Variants in DENND4A observed in about 807,000 individuals in gnomAD.
DENND4A encodes DENN domain containing 4A, also known as C-myc promoter-binding protein.
Under a neutral mutation model 199.3 loss-of-function variants are expected in DENND4A, and 70 were observed. The ratio of observed to expected loss-of-function variants is 0.35; its 90% CI spans 0.29 to 0.43. The LOEUF is 0.43. DENND4A is among the 20% of genes least tolerant of loss of function. The pLI is 1.00. For missense variants in DENND4A, 1,723 were observed against 2,255.8 expected, an observed-to-expected ratio of 0.76 and a Z score of 4.78; for synonymous variants, 686 against 766.9, an observed-to-expected ratio of 0.89 and a Z score of 1.74.
At chr15:65,723,383 TTATCAAAATACTTCGGTA>T (rs2075706273) in intron 11 of DENND4A, among the ~76,000 whole-genome samples, 1 of 152,166 alleles carries the variant, frequency 6.6e-6, no homozygotes, top group Admixed American at 6.5e-5. Context: ...TCCACAGAGC[TTATCAAAATACTTCGGTA>T]TATTTAAATA....
chr15:65,702,243 TG>T, intron 17 of DENND4A, 61 bp downstream of exon 17: 1 of 1,345,920 alleles, frequency 7.4e-7, no homozygotes. Flanking sequence ...CACTCCAGCC[TG>T]GGTGACAGAG....
chr15:65,768,438 G>A (rs1684814077), intron 1 of DENND4A, among the ~76,000 whole-genome samples: 1 of 152,060 alleles, frequency 6.6e-6, no homozygotes, highest in African/African-American at 2.4e-5. Flanking sequence ...CTCACAGGTC[G>A]AGAAATAGTA....
At chr15:65,731,378 C>T (rs1395979931) in intron 9 of DENND4A, 2 of 501,156 alleles carry the variant, frequency 4.0e-6, no homozygotes, top group Admixed American at 2.3e-5. Context: ...TCATCATCTA[C>T]ATACATAAAT....
At chr15:65,753,228 A>G (rs1370563753) in intron 3 of DENND4A, among the ~76,000 whole-genome samples, 2 of 152,220 alleles carry the variant, frequency 1.3e-5, no homozygotes, top group African/African-American at 2.4e-5. Context: ...TCTATACTTA[A>G]GCACTAAGGA....
intron 22 of DENND4A, among the ~76,000 whole-genome samples, chr15:65,692,851 T>G (rs1005885138): frequency 1.3e-5 from 2 of 152,154 alleles, no homozygotes; most frequent in African/African-American, 4.8e-5. Flanking sequence ...CTTTGCAAAG[T>G]CAGTGATATG....
At chr15:65,768,063 G>A (rs973953838) in intron 1 of DENND4A, among the ~76,000 whole-genome samples, 1 of 152,182 alleles carries the variant, frequency 6.6e-6, no homozygotes, top group African/African-American at 2.4e-5. Flanking sequence ...AATCAGTGTG[G>A]AGTGTAGTGG....
intron 7 of DENND4A, among the ~76,000 whole-genome samples, chr15:65,735,873 C>T (rs2140430861): frequency 6.6e-6 from 1 of 152,260 alleles, no homozygotes; most frequent in Middle Eastern, 3.4e-3. Context: ...AGGTGTTTCA[C>T]CTGAGGTCAG....
chr15:65,757,626 G>T (rs2076743130), intron 2 of DENND4A, among the ~76,000 whole-genome samples: 1 of 152,122 alleles, frequency 6.6e-6, no homozygotes, highest in East Asian at 1.9e-4. Flanking sequence ...TGGGTTTGGG[G>T]TTTGTACTTA....
chr15:65,778,614 G>A (rs1285059762), intron 1 of DENND4A, among the ~76,000 whole-genome samples: 1 of 152,074 alleles, frequency 6.6e-6, no homozygotes, highest in Non-Finnish European at 1.5e-5. Flanking sequence ...AAGTTATGTT[G>A]CAGGCCAGAT....
chr15:65,690,280 T>TA, intron 23 of DENND4A, 135 bp downstream of exon 23: 4 of 879,992 alleles, frequency 4.5e-6, no homozygotes, highest in Non-Finnish European at 6.3e-6. Context: ...TTCTGATACT[T>TA]ACAAAACTTA....
intron 11 of DENND4A, chr15:65,728,864 T>C: frequency 1.7e-6 from 1 of 600,472 alleles, no homozygotes; most frequent in South Asian, 1.8e-5. Context: ...ATGAAAGGTA[T>C]AGTCCTTCCA....
At chr15:65,722,711 G>T in intron 12 of DENND4A, 137 bp downstream of exon 12, 2 of 519,772 alleles carry the variant, frequency 3.8e-6, no homozygotes, top group Non-Finnish European at 6.2e-6. Context: ...AACAAATTTT[G>T]CTTTAATGAT....
rs1566978832 is a variant in DENND4A at position 65,663,207 on chromosome 15, T to TA, written c.5587+1122_5587+1123insT. ...ATATATATATATATATATTTTTTTT[T>TA]TTTTATTTTTTTTTTTGGTTAGACG... On this transcript the variant is annotated intron_variant, in intron 32 of 32. Coordinates refer to ENST00000443035, the MANE Select transcript of DENND4A (RefSeq NM_001320835.1). Among the ~76,000 whole-genome samples, 79 of 143,170 alleles carry TA rather than the reference T, an allele frequency of 5.5e-4. 1 individual carries two copies. The highest frequency in any genetic ancestry group is 2.0e-3 in the African/African-American group (75 of 37,162). The allele number at this position is 143,170 out of a possible 152,430, so 93.9% of individuals were successfully genotyped here.
intron 27 of DENND4A, among the ~76,000 whole-genome samples, chr15:65,669,196 T>C (rs1039654285): frequency 6.6e-6 from 1 of 152,198 alleles, no homozygotes; most frequent in African/African-American, 2.4e-5. Flanking sequence ...GCCAACACTA[T>C]ACAGGCATTT....
chr15:65,700,614 G>T lies in DENND4A; in HGVS notation c.2763C>A (p.His921Gln). 6.5e-7 allele frequency: 1 copy of T among 1,547,446 alleles called. No homozygotes were observed. The highest frequency in any genetic ancestry group is 8.7e-7 in the Non-Finnish European group (1 of 1,145,198). ...HGSMDSGHGT[H>Q]TVEQAPFNTG... ...TATTAAAAGGTGCCTGCTCCACAGT[G>T]TGTGTCCCATGACCACTATCCATGC... Residue 921 changes from histidine (H) to glutamine (Q), a missense_variant, in exon 20 of 33, where the codon CAC becomes CAA. Physicochemically the swap from His to Gln is conservative, Grantham distance 24. This residue lies in a region of DENND4A where 650 missense variants were observed against 738.1 expected (regional missense o/e 0.88). Transcript: ENST00000443035.
chr15:65,789,974 G>C (rs2077671570), intron 1 of DENND4A, among the ~76,000 whole-genome samples: 1 of 152,122 alleles, frequency 6.6e-6, no homozygotes, highest in African/African-American at 2.4e-5. Context: ...TGGGCAACAT[G>C]GCGAAACCCC....
intron 21 of DENND4A, chr15:65,696,812 C>CTT: frequency 8.3e-5 from 21 of 253,046 alleles, no homozygotes; most frequent in South Asian, 1.5e-4. Context: ...ATTAAACAAA[C>CTT]TTTTTTTTTT....
At chr15:65,732,382 A>ATT (rs2075985038) in intron 8 of DENND4A, among the ~76,000 whole-genome samples, 1 of 152,088 alleles carries the variant, frequency 6.6e-6, no homozygotes, top group Non-Finnish European at 1.5e-5. Context: ...TAATAATGTA[A>ATT]TTACTCTTAT....
intron 11 of DENND4A, chr15:65,727,954 T>A (rs1039248221): frequency 5.8e-6 from 1 of 172,454 alleles, no homozygotes; most frequent in African/African-American, 2.4e-5. Context: ...ATTTAAAACT[T>A]ATTTTAAAAT....
Sources: gnomAD v4.1 joint callset for allele counts (sites outside exome capture counted in the v4.1 genomes callset) on GRCh38, gnomAD v4.1.1 for gene constraint, gnomAD v4.1.1 regional missense constraint, MANE v1.5 for transcripts, NCBI Gene and HGNC (gene_info 2026-07-23, HGNC 2026-07-21) for gene names.